Variants in GRID2 observed in about 807,000 individuals in gnomAD.
GRID2 encodes glutamate receptor ionotropic, delta-2.
GRID2 carries 33 observed loss-of-function variants against 114.8 expected under a neutral mutation model. That is an observed-to-expected ratio of 0.29 (90% CI 0.22 to 0.38). GRID2 has a LOEUF of 0.38. GRID2 is among the 10% of genes least tolerant of loss of function. The pLI is 1.00. For synonymous variants in GRID2, 505 were observed against 449.9 expected, an observed-to-expected ratio of 1.12 and a Z score of -1.55; for missense variants, 1,184 against 1,257.7, an observed-to-expected ratio of 0.94 and a Z score of 0.89.
rs146199974 is a variant in GRID2, at chr4:93,308,285, C to T, written c.1245+69795C>T. ...ATCTTAACTTATTTTTATTGTTTCACCTAAGCTGTGTTTTGTGGTTTCGAA... is the reference window on the plus strand; with the variant it reads ...ATCTTAACTTATTTTTATTGTTTCATCTAAGCTGTGTTTTGTGGTTTCGAA... On this transcript the variant is annotated intron_variant, in intron 8 of 15. Coordinates refer to ENST00000282020, the MANE Select transcript of GRID2 (RefSeq NM_001510.4). 2.2e-3 allele frequency among the ~76,000 whole-genome samples: 329 copies of T among 152,232 alleles called. 2 individuals carry two copies. Among genetic ancestry groups the T allele is most frequent in the African/African-American group, 7.7e-3 (319 of 41,532 alleles).
At chr4:92,798,638 ACT>A (rs1740004653) in intron 2 of GRID2, among the ~76,000 whole-genome samples, 1 of 151,916 alleles carries the variant, frequency 6.6e-6, no homozygotes, top group South Asian at 2.1e-4. Context: ...ATTAGGAGTA[ACT>A]CTCTGAAGAA....
intron 1 of GRID2, among the ~76,000 whole-genome samples, chr4:92,462,726 C>T (rs1721558004): frequency 6.6e-6 from 1 of 151,802 alleles, no homozygotes; most frequent in Admixed American, 6.6e-5. Context: ...AAAGTAAATT[C>T]CTTTCTATAA....
chr4:92,373,690 C>G (rs1729221748), intron 1 of GRID2, among the ~76,000 whole-genome samples: 1 of 152,084 alleles, frequency 6.6e-6, no homozygotes, highest in Non-Finnish European at 1.5e-5. Context: ...TAAATACATC[C>G]TAATTATTAG....
At chr4:92,978,465 A>G (rs1754001412) in intron 2 of GRID2, among the ~76,000 whole-genome samples, 1 of 152,158 alleles carries the variant, frequency 6.6e-6, no homozygotes, top group South Asian at 2.1e-4. Context: ...TATTTGGTCA[A>G]GAAACTTATT....
At chr4:93,686,419 T>C (rs145682989) in intron 14 of GRID2, among the ~76,000 whole-genome samples, 39 of 152,028 alleles carry the variant, frequency 2.6e-4, no homozygotes, top group Non-Finnish European at 4.6e-4. Context: ...AACTGTTCCC[T>C]CAGCAAATGT....
At chr4:92,544,911 A>C (rs1318907813) in intron 1 of GRID2, among the ~76,000 whole-genome samples, 1 of 152,140 alleles carries the variant, frequency 6.6e-6, no homozygotes, top group Non-Finnish European at 1.5e-5. Flanking sequence ...ACAGGGATTT[A>C]TTTATTAGGT....
At chr4:92,392,714 C>T (rs567323612) in intron 1 of GRID2, among the ~76,000 whole-genome samples, 6 of 151,988 alleles carry the variant, frequency 3.9e-5, no homozygotes, top group Non-Finnish European at 8.8e-5. Context: ...ACTATTTAAA[C>T]TTTAGACATC....
chr4:92,538,861 T>G (rs1725782742), intron 1 of GRID2, among the ~76,000 whole-genome samples: 1 of 151,996 alleles, frequency 6.6e-6, no homozygotes, highest in Non-Finnish European at 1.5e-5. Context: ...GCTAACACCA[T>G]GAAACCCCGT....
intron 4 of GRID2, among the ~76,000 whole-genome samples, chr4:93,184,507 CA>C (rs1170737672): frequency 0.15 from 11,974 of 79,546 alleles, 879 homozygotes; most frequent in African/African-American, 0.3. Context: ...TATTATTTCT[CA>C]AAAAAAAAAA....
At chr4:92,310,734 T>G (rs1398733296) in intron 1 of GRID2, among the ~76,000 whole-genome samples, 3 of 152,030 alleles carry the variant, frequency 2.0e-5, no homozygotes, top group African/African-American at 7.2e-5. Context: ...AAAATAAGAT[T>G]TAGACTAATG....
At position 93,078,128 on chromosome 4, in the gene GRID2, C is replaced by T. The variant is rs373523065; in HGVS notation, c.245-6867C>T. Among the ~76,000 whole-genome samples, 15 of 152,268 alleles carry T rather than the reference C, an allele frequency of 9.9e-5. 1 individual carries two copies. Among genetic ancestry groups the T allele is most frequent in the African/African-American group, 3.6e-4 (15 of 41,566 alleles). ...CCACTTGGCTCCTCTTTCTGCCTTT[C>T]TGGTATTTCATTGTCTCTGTGTCAC... On this transcript the variant is annotated intron_variant, in intron 2 of 15. Transcript: ENST00000282020.
intron 14 of GRID2, among the ~76,000 whole-genome samples, chr4:93,728,281 T>C (rs1370897372): frequency 2.0e-5 from 3 of 152,232 alleles, no homozygotes; most frequent in Non-Finnish European, 2.9e-5. Context: ...TCAGTTTCCA[T>C]GTACTTGAGC....
chr4:93,246,396 G>A (rs758196036), intron 8 of GRID2, among the ~76,000 whole-genome samples: 22 of 151,890 alleles, frequency 1.4e-4, no homozygotes, highest in Non-Finnish European at 3.2e-4. Flanking sequence ...GATCATCCTG[G>A]CTAACACAGT....
chr4:93,316,478 A>G lies in GRID2; in HGVS notation c.1245+77988A>G, dbSNP rs79721110. Among the ~76,000 whole-genome samples, 1,174 of 152,254 alleles carry G rather than the reference A, an allele frequency of 7.7e-3. 11 individuals are homozygous for G. Among genetic ancestry groups the G allele is most frequent in the East Asian group, 0.039 (202 of 5,178 alleles). ...CAGTGTATTAGGAAATGGGAAACACACATATCAACCACAGGGAAAAAGAAT... is the reference window on the plus strand; with the variant it reads ...CAGTGTATTAGGAAATGGGAAACACGCATATCAACCACAGGGAAAAAGAAT... On this transcript the variant is annotated intron_variant, in intron 8 of 15. Coordinates refer to ENST00000282020, the MANE Select transcript of GRID2 (RefSeq NM_001510.4).
At chr4:93,493,703 G>A (rs1727250644) in intron 12 of GRID2, among the ~76,000 whole-genome samples, 1 of 151,692 alleles carries the variant, frequency 6.6e-6, no homozygotes, top group Non-Finnish European at 1.5e-5. Flanking sequence ...TGCAATAGCA[G>A]TGGGAGGAGA....
intron 2 of GRID2, among the ~76,000 whole-genome samples, chr4:92,870,550 T>C (rs1490372427): frequency 1.3e-5 from 2 of 152,126 alleles, no homozygotes; most frequent in African/African-American, 4.8e-5. Flanking sequence ...GTGAGATATA[T>C]GTTTCAGATA....
chr4:92,585,817 T>C (rs564207435), intron 1 of GRID2, among the ~76,000 whole-genome samples: 2 of 152,044 alleles, frequency 1.3e-5, no homozygotes, highest in South Asian at 4.1e-4. Context: ...AAGTTTTTAG[T>C]ATGATTATTA....
At chr4:92,769,168 A>G (rs1738412077) in intron 2 of GRID2, among the ~76,000 whole-genome samples, 1 of 152,178 alleles carries the variant, frequency 6.6e-6, no homozygotes, top group South Asian at 2.1e-4. Context: ...AAATTGGCCA[A>G]AACAAAGGGG....
intron 1 of GRID2, among the ~76,000 whole-genome samples, chr4:92,466,501 C>T (rs912058797): frequency 3.3e-5 from 5 of 151,796 alleles, no homozygotes; most frequent in African/African-American, 4.8e-5. Context: ...TTTATCAAAA[C>T]ATCTCATGTA....
Sources: gnomAD v4.1 joint callset for allele counts (sites outside exome capture counted in the v4.1 genomes callset) on GRCh38, gnomAD v4.1.1 for gene constraint, MANE v1.5 for transcripts, NCBI Gene and HGNC (gene_info 2026-07-23, HGNC 2026-07-21) for gene names.